Variants in MAN1A2 observed in about 807,000 individuals in gnomAD.
MAN1A2 encodes the protein mannosyl-oligosaccharide 1,2-alpha-mannosidase IB.
In MAN1A2, 26 loss-of-function variants were observed where a neutral mutation model predicts 75.7. That is an observed-to-expected ratio of 0.34 (90% CI 0.25 to 0.48). The LOEUF is 0.48. MAN1A2 is among the 20% of genes least tolerant of loss of function. MAN1A2 has a pLI of 0.99. For missense variants in MAN1A2, 562 were observed against 775.5 expected (o/e 0.72, Z 3.27); for synonymous variants, 247 against 264.6 (o/e 0.93, Z 0.65).
chr1:117,463,527 A>G (rs1007230644), intron 7 of MAN1A2, among the ~76,000 whole-genome samples: 3 of 151,960 alleles, frequency 2.0e-5, no homozygotes, highest in Non-Finnish European at 4.4e-5. Flanking sequence ...ATACACACAC[A>G]CACACACACA....
chr1:117,513,616 A>G (rs1423393793), intron 12 of MAN1A2, among the ~76,000 whole-genome samples: 2 of 151,808 alleles, frequency 1.3e-5, no homozygotes, highest in African/African-American at 2.4e-5. Flanking sequence ...AAGTAATTTC[A>G]TCTAATTTAC....
At position 117,458,523 on chromosome 1, in the gene MAN1A2, A is replaced by ATT. The variant is rs5777311; in HGVS notation, c.951-1950_951-1949dup. On this transcript the variant is annotated intron_variant, in intron 6 of 12. Coordinates refer to ENST00000356554, the MANE Select transcript of MAN1A2 (RefSeq NM_006699.5). ...TATATATATATATAGATATATATAT[A>ATT]TTTTTTTTTTTTTTTTTGAGACAGA... Among the ~76,000 whole-genome samples the ATT allele has an allele frequency of 3.0e-3, 315 of 105,612 alleles. 5 individuals carry two copies. The highest frequency in any genetic ancestry group is 8.2e-3 in the African/African-American group (237 of 29,016). 69.3% of individuals were successfully genotyped at this position (105,612 alleles called of 152,430 possible).
chr1:117,475,168 C>T (rs1289412071), intron 8 of MAN1A2, among the ~76,000 whole-genome samples: 1 of 151,790 alleles, frequency 6.6e-6, no homozygotes, highest in African/African-American at 2.4e-5. Flanking sequence ...TCTCACTTCT[C>T]TCGGGGAATA....
chr1:117,420,602 C>A lies in MAN1A2; in HGVS notation c.808C>A (p.Arg270=), dbSNP rs1179311614. The A allele has an allele frequency of 1.2e-6, 2 of 1,612,712 alleles. No homozygotes were observed. Among genetic ancestry groups the A allele is most frequent in the Non-Finnish European group, 8.5e-7 (1 of 1,179,124 alleles). ...SEVSVFEVNI[R]FIGGLLAAYY... Reference sequence around the variant, plus strand: ...GGTGTCTGTGTTTGAAGTCAACATTCGATTTATTGGAGGCCTACTTGCAGC... The same window carrying A: ...GGTGTCTGTGTTTGAAGTCAACATTAGATTTATTGGAGGCCTACTTGCAGC... The change falls in exon 5 of 13, where the codon CGA becomes AGA. Residue 270 remains arginine, a synonymous_variant. Coordinates refer to ENST00000356554, the MANE Select transcript of MAN1A2 (RefSeq NM_006699.5).
At chr1:117,473,805 A>T (rs1301527538) in intron 8 of MAN1A2, among the ~76,000 whole-genome samples, 1 of 152,044 alleles carries the variant, frequency 6.6e-6, no homozygotes, top group Non-Finnish European at 1.5e-5. Flanking sequence ...AAATTGAAAG[A>T]CATGTTTTAT....
intron 9 of MAN1A2, 36 bp from the exon 10 acceptor site, chr1:117,496,727 G>A (rs1482424283): frequency 3.5e-6 from 5 of 1,435,866 alleles, no homozygotes; most frequent in East Asian, 4.6e-5. Context: ...CTAATAGTTT[G>A]CATCTAAAAT....
intron 5 of MAN1A2, among the ~76,000 whole-genome samples, chr1:117,438,108 G>C (rs930612949): frequency 6.6e-6 from 1 of 152,152 alleles, no homozygotes; most frequent in Non-Finnish European, 1.5e-5. Context: ...ACATAACTGT[G>C]TTTCAGTCAA....
chr1:117,500,018 T>G (rs1651152325), intron 11 of MAN1A2, among the ~76,000 whole-genome samples: 1 of 151,830 alleles, frequency 6.6e-6, no homozygotes, highest in African/African-American at 2.4e-5. Flanking sequence ...AACTTAAGCT[T>G]ACAATCTAGA....
At chr1:117,454,450 A>G (rs1232026948) in intron 6 of MAN1A2, among the ~76,000 whole-genome samples, 1 of 152,220 alleles carries the variant, frequency 6.6e-6, no homozygotes, top group Non-Finnish European at 1.5e-5. Flanking sequence ...AATACAATCC[A>G]GAAAACAATC....
chr1:117,453,899 C>G (rs1397155145), intron 6 of MAN1A2, among the ~76,000 whole-genome samples: 1 of 152,032 alleles, frequency 6.6e-6, no homozygotes, highest in Non-Finnish European at 1.5e-5. Context: ...AAGAAATTGC[C>G]CCAGCCACCC....
intron 5 of MAN1A2, among the ~76,000 whole-genome samples, chr1:117,428,363 C>A (rs1280877364): frequency 6.6e-6 from 1 of 151,994 alleles, no homozygotes; most frequent in Non-Finnish European, 1.5e-5. Flanking sequence ...GATCTTCCTG[C>A]CTTGGCCTCC....
intron 6 of MAN1A2, among the ~76,000 whole-genome samples, chr1:117,454,922 TA>T (rs1649532095): frequency 6.6e-6 from 1 of 151,420 alleles, no homozygotes; most frequent in Non-Finnish European, 1.5e-5. Context: ...AGAGCAGTCA[TA>T]AAAAAATAAG....
chr1:117,458,677 C>A (rs1649709642), intron 6 of MAN1A2, among the ~76,000 whole-genome samples: 2 of 151,468 alleles, frequency 1.3e-5, no homozygotes, highest in Admixed American at 1.3e-4. Flanking sequence ...CGCCTGCCAC[C>A]ATGTCCGGCT....
chr1:117,439,811 T>C (rs1462728423), intron 5 of MAN1A2, among the ~76,000 whole-genome samples: 2 of 152,174 alleles, frequency 1.3e-5, no homozygotes, highest in African/African-American at 4.8e-5. Flanking sequence ...TCGTTACTTA[T>C]ACTTTAAAGC....
At chr1:117,518,506 A>T (rs181273434) in intron 12 of MAN1A2, among the ~76,000 whole-genome samples, 1 of 152,130 alleles carries the variant, frequency 6.6e-6, no homozygotes, top group African/African-American at 2.4e-5. Context: ...AAATTGATTT[A>T]AAAAAACAGT....
chr1:117,429,488 A>C (rs7518445), intron 5 of MAN1A2, among the ~76,000 whole-genome samples: 7,400 of 23,718 alleles, frequency 0.31, 1,010 homozygotes, highest in East Asian at 0.38. Flanking sequence ...GGGGGCCGAC[A>C]CCCCCACCTC....
chr1:117,401,927 G>A (rs1157151625), intron 1 of MAN1A2, among the ~76,000 whole-genome samples: 1 of 151,918 alleles, frequency 6.6e-6, no homozygotes, highest in East Asian at 1.9e-4. Context: ...AGTGTCTATG[G>A]ATAAGTTACT....
chr1:117,440,609 C>G (rs182423973), intron 5 of MAN1A2, among the ~76,000 whole-genome samples: 30 of 151,886 alleles, frequency 2.0e-4, no homozygotes, highest in Admixed American at 9.8e-4. Context: ...TTAGACCTGT[C>G]TACTATAACT....
chr1:117,442,189 CTAATGGCTA>C lies in MAN1A2; in HGVS notation c.856-37_856-29del, dbSNP rs759848440. 4.5e-5 allele frequency: 56 copies of C among 1,238,042 alleles called. No individual in the cohort carries two copies. In the South Asian group the frequency reaches 6.7e-4, roughly 15 times the overall value. The allele number at this position is 1,238,042 out of a possible 1,614,324, so 76.7% of individuals were successfully genotyped here. A position where few individuals can be genotyped will look rare whatever the true frequency, so the allele number is the denominator to read the frequency against. On this transcript the variant is annotated intron_variant, in intron 5 of 12. Transcript: ENST00000356554. The stretch of plus-strand genomic sequence containing the variant: ...AGAGAGAGCAATAAGTAAATGCTTA[CTAATGGCTA>C]TAATTTATGAATATTCATGTTTTAA...
Sources: allele counts gnomAD v4.1 joint callset (sites outside exome capture counted in the v4.1 genomes callset), GRCh38; gene constraint gnomAD v4.1.1; transcripts MANE v1.5; gene names NCBI Gene and HGNC (gene_info 2026-07-23, HGNC 2026-07-21).